RETREG1: variants seen among roughly 807,000 people sequenced by gnomAD.
RETREG1 encodes reticulophagy regulator 1.
A neutral mutation model predicts 54.8 loss-of-function variants in RETREG1; 44 were observed. The observed-to-expected ratio is 0.80, with a 90% confidence interval of 0.63 to 1.03. The LOEUF (loss-of-function observed/expected upper bound fraction) is 1.03, where lower values mean the gene tolerates loss of function less well. Among genes scored for constraint, RETREG1 ranks in the 50% least tolerant of loss-of-function variants. RETREG1 has a pLI of 0.00. For missense variants in RETREG1, 554 were observed against 605.1 expected, an observed-to-expected ratio of 0.92 and a Z score of 0.89; for synonymous variants, 217 against 238.5, an observed-to-expected ratio of 0.91 and a Z score of 0.83.
chr5:16,530,073 G>C (rs1740864697), intron 3 of RETREG1, among the ~76,000 whole-genome samples: 1 of 152,180 alleles, frequency 6.6e-6, no homozygotes, highest in Middle Eastern at 3.2e-3. Flanking sequence ...TCCCTTCCCA[G>C]ATGCTTATCC....
chr5:16,477,812 A>G (rs202071381), intron 7 of RETREG1, 24 bp from the exon 8 acceptor site: 2 of 1,613,034 alleles, frequency 1.2e-6, no homozygotes, highest in Non-Finnish European at 1.7e-6. Context: ...AATAAATACC[A>G]GCGGCACATT....
chr5:16,502,583 A>C (rs1247442396), intron 3 of RETREG1, among the ~76,000 whole-genome samples: 1 of 152,244 alleles, frequency 6.6e-6, no homozygotes, highest in Non-Finnish European at 1.5e-5. Context: ...TGAGATACTT[A>C]TTATAACTCT....
In RETREG1 at chr5:16,475,155, A is replaced by G; in HGVS notation, c.1080T>C (p.Asn360=). The change falls in exon 9 of 9, where the codon AAT becomes AAC. Residue 360 remains asparagine (N), a synonymous_variant. Transcript: ENST00000306320. ...AACCAAGGCTTAATTCATCTTCATC[A>G]TTTGTTCCCATGCCATTTTCTAGAG... ...FPSLENGMGT[N]DEDELSLGLP... 6.2e-7 allele frequency: 1 copy of G among 1,613,872 alleles called. No homozygotes were observed. Among genetic ancestry groups the G allele is most frequent in the Admixed American group, 1.7e-5 (1 of 59,942 alleles).
chr5:16,480,903 T>C (rs1738741850), intron 5 of RETREG1, 106 bp downstream of exon 5: 1 of 754,600 alleles, frequency 1.3e-6, no homozygotes, highest in Non-Finnish European at 2.4e-6. Flanking sequence ...AATCAACTTG[T>C]ATTATAGTTA....
At chr5:16,598,214 T>C (rs960443387) in intron 1 of RETREG1, among the ~76,000 whole-genome samples, 2 of 152,180 alleles carry the variant, frequency 1.3e-5, no homozygotes, top group African/African-American at 4.8e-5. Context: ...CTACTGACTC[T>C]CTACGTCCAG....
intron 1 of RETREG1, among the ~76,000 whole-genome samples, chr5:16,600,281 G>A (rs1314546360): frequency 2.6e-5 from 4 of 152,164 alleles, no homozygotes; most frequent in Non-Finnish European, 5.9e-5. Flanking sequence ...GATTACAGGC[G>A]TTAGCCACTG....
At chr5:16,575,086 C>A (rs150680468) in intron 1 of RETREG1, among the ~76,000 whole-genome samples, 3 of 152,162 alleles carry the variant, frequency 2.0e-5, no homozygotes, top group Non-Finnish European at 4.4e-5. Flanking sequence ...CCCGACCTCA[C>A]GTTGAAGTGG....
intron 3 of RETREG1, among the ~76,000 whole-genome samples, chr5:16,504,404 G>C (rs1739859133): frequency 6.6e-6 from 1 of 152,168 alleles, no homozygotes; most frequent in African/African-American, 2.4e-5. Context: ...ACCACAGTGG[G>C]AGTATTTACA....
At chr5:16,539,634 T>C (rs149233481) in intron 3 of RETREG1, among the ~76,000 whole-genome samples, 3 of 152,246 alleles carry the variant, frequency 2.0e-5, no homozygotes, top group Admixed American at 1.3e-4. Flanking sequence ...CTCCCAGTCC[T>C]TTCCAATCAA....
At chr5:16,616,387 A>G (rs1042621880) in intron 1 of RETREG1, 1 of 508,258 alleles carries the variant, frequency 2.0e-6, no homozygotes, top group African/African-American at 2.0e-5. Flanking sequence ...CTGTAGGTGC[A>G]GGTGCCTGAG....
chr5:16,616,744 C>A lies in RETREG1; in HGVS notation c.228G>T (p.Val76=). Residue 76 remains valine, a synonymous_variant, in exon 1 of 9, where the codon GTG becomes GTT. Coordinates refer to ENST00000306320, the MANE Select transcript of RETREG1 (RefSeq NM_001034850.3). ...AAVTWLLGEP[V]LWLGCRADEL... is the part of the protein sequence containing the mutation. ...CGTCGGCGCGGCAGCCCAGCCACAGCACCGGCTCCCCGAGCAGCCAGGTTA... is the reference window on the plus strand; with the variant it reads ...CGTCGGCGCGGCAGCCCAGCCACAGAACCGGCTCCCCGAGCAGCCAGGTTA... 6.3e-7 allele frequency: 1 copy of A among 1,574,916 alleles called. No homozygotes were observed. Among genetic ancestry groups the A allele is most frequent in the Non-Finnish European group, 8.6e-7 (1 of 1,168,266 alleles).
chr5:16,560,345 G>A (rs940766130), intron 3 of RETREG1, among the ~76,000 whole-genome samples: 2 of 152,234 alleles, frequency 1.3e-5, no homozygotes, highest in Non-Finnish European at 2.9e-5. Flanking sequence ...CATTAGGATT[G>A]TAGGGAAGGA....
At chr5:16,556,522 A>C (rs79130277) in intron 3 of RETREG1, among the ~76,000 whole-genome samples, 5,289 of 152,238 alleles carry the variant, frequency 0.035, 285 homozygotes, top group African/African-American at 0.12. Flanking sequence ...ATTGTCATAA[A>C]ATTACATTAA....
intron 3 of RETREG1, among the ~76,000 whole-genome samples, chr5:16,562,452 T>C (rs1741882840): frequency 6.6e-6 from 1 of 152,216 alleles, no homozygotes; most frequent in African/African-American, 2.4e-5. Flanking sequence ...CCTGTGTGCC[T>C]TAAGGGTGCC....
At chr5:16,574,555 T>C (rs1367840379) in intron 1 of RETREG1, among the ~76,000 whole-genome samples, 2 of 152,134 alleles carry the variant, frequency 1.3e-5, no homozygotes, top group Non-Finnish European at 2.9e-5. Context: ...AAGCTCTCAC[T>C]GGTTCAAATG....
intron 3 of RETREG1, among the ~76,000 whole-genome samples, chr5:16,519,373 A>G (rs1249748684): frequency 6.6e-6 from 1 of 152,212 alleles, no homozygotes; most frequent in Non-Finnish European, 1.5e-5. Context: ...CATGGTATCA[A>G]TCCCTGCAAA....
chr5:16,592,238 A>G (rs765943271), intron 1 of RETREG1, among the ~76,000 whole-genome samples: 4 of 152,232 alleles, frequency 2.6e-5, no homozygotes, highest in Admixed American at 6.5e-5. Flanking sequence ...AAAGTGGGCA[A>G]AAGATAAGAA....
At chr5:16,573,147 A>C (rs961736153) in intron 1 of RETREG1, among the ~76,000 whole-genome samples, 1 of 124,680 alleles carries the variant, frequency 8.0e-6, no homozygotes, top group African/African-American at 3.0e-5. Context: ...GCACCACTGC[A>C]CTCCAGCCTG....
chr5:16,518,299 A>G (rs948608996), intron 3 of RETREG1, among the ~76,000 whole-genome samples: 1 of 149,372 alleles, frequency 6.7e-6, no homozygotes, highest in Non-Finnish European at 1.5e-5. Flanking sequence ...TTATATATTG[A>G]TGAACATATC....
Sources: allele counts gnomAD v4.1 joint callset (sites outside exome capture counted in the v4.1 genomes callset), GRCh38; gene constraint gnomAD v4.1.1; transcripts MANE v1.5; gene names NCBI Gene and HGNC (gene_info 2026-07-23, HGNC 2026-07-21).